Variants in ASIC2 observed in about 807,000 individuals in gnomAD.
The protein encoded by ASIC2 is acid sensing ion channel subunit 2.
ASIC2 carries 25 observed loss-of-function variants against 57.3 expected under a neutral mutation model. That is an observed-to-expected ratio of 0.44 (90% CI 0.32 to 0.61). The LOEUF (loss-of-function observed/expected upper bound fraction) is 0.61. ASIC2 is among the 20% of genes least tolerant of loss of function. The probability of loss-of-function intolerance (pLI) is 0.06; values close to 1 mark genes in which losing one functional copy is unlikely to be tolerated. For missense variants in ASIC2, 641 were observed against 738.1 expected (o/e 0.87, Z 1.52); for synonymous variants, 319 against 307.5 (o/e 1.04, Z -0.39).
At chr17:33,516,713 T>G (rs1239265533) in intron 1 of ASIC2, among the ~76,000 whole-genome samples, 2 of 152,228 alleles carry the variant, frequency 1.3e-5, no homozygotes, top group African/African-American at 4.8e-5. Flanking sequence ...TTATCTATTT[T>G]GTCTCCTTGG....
At chr17:34,058,008 C>A (rs1908832477) in intron 1 of ASIC2, among the ~76,000 whole-genome samples, 1 of 152,208 alleles carries the variant, frequency 6.6e-6, no homozygotes, top group Non-Finnish European at 1.5e-5. Flanking sequence ...GCGTGCACAA[C>A]TCTACCTACC....
At chr17:33,752,759 C>A (rs1277385618) in intron 1 of ASIC2, among the ~76,000 whole-genome samples, 1 of 152,182 alleles carries the variant, frequency 6.6e-6, no homozygotes, top group African/African-American at 2.4e-5. Context: ...ATGCCACATA[C>A]ACCTCTGACA....
At chr17:33,656,692 TC>T (rs1315454991) in intron 1 of ASIC2, among the ~76,000 whole-genome samples, 2 of 152,156 alleles carry the variant, frequency 1.3e-5, no homozygotes, top group African/African-American at 4.8e-5. Context: ...TGTCTTGTGT[TC>T]CCCCTCTGTG....
chr17:33,770,905 T>C (rs1212526071), intron 1 of ASIC2, among the ~76,000 whole-genome samples: 1 of 152,212 alleles, frequency 6.6e-6, no homozygotes, highest in Non-Finnish European at 1.5e-5. Flanking sequence ...TAGCACCTTC[T>C]GGCACAAAGG....
At chr17:33,916,999 T>A (rs1330300173) in intron 1 of ASIC2, among the ~76,000 whole-genome samples, 1 of 152,050 alleles carries the variant, frequency 6.6e-6, no homozygotes, top group Non-Finnish European at 1.5e-5. Flanking sequence ...CCTGAAGACA[T>A]CATCTCTCTA....
intron 2 of ASIC2, among the ~76,000 whole-genome samples, chr17:33,092,194 C>T (rs1250283987): frequency 6.6e-6 from 1 of 152,214 alleles, no homozygotes; most frequent in African/African-American, 2.4e-5. Context: ...GATCCTCTAC[C>T]CTGCTTTCCC....
chr17:34,026,054 G>A (rs1006964325), intron 1 of ASIC2, among the ~76,000 whole-genome samples: 2 of 152,162 alleles, frequency 1.3e-5, no homozygotes, highest in Non-Finnish European at 2.9e-5. Flanking sequence ...CTACGCAAAG[G>A]TTAACTTTTA....
chr17:34,113,758 G>T (rs981938720), intron 1 of ASIC2, among the ~76,000 whole-genome samples: 4 of 151,364 alleles, frequency 2.6e-5, no homozygotes, highest in Non-Finnish European at 5.9e-5. Flanking sequence ...ACCTACAGTC[G>T]CAGTTACTTG....
chr17:33,303,974 A>AG (rs1906067877), intron 1 of ASIC2, among the ~76,000 whole-genome samples: 1 of 152,212 alleles, frequency 6.6e-6, no homozygotes, highest in South Asian at 2.1e-4. Flanking sequence ...TCCATACCCT[A>AG]GGGTTCCCCA....
intron 1 of ASIC2, among the ~76,000 whole-genome samples, chr17:34,029,168 A>G (rs1490733552): frequency 1.3e-5 from 2 of 150,510 alleles, no homozygotes; most frequent in Non-Finnish European, 3.0e-5. Flanking sequence ...TTTTCATACA[A>G]CTCTTCCCCA....
At chr17:33,089,281 G>A (rs1312677584) in intron 2 of ASIC2, among the ~76,000 whole-genome samples, 1 of 152,172 alleles carries the variant, frequency 6.6e-6, no homozygotes, top group Admixed American at 6.5e-5. Flanking sequence ...GGAGGCAGGA[G>A]GATCAAGGTC....
intron 1 of ASIC2, among the ~76,000 whole-genome samples, chr17:33,572,791 T>C (rs1916493513): frequency 6.6e-6 from 1 of 152,192 alleles, no homozygotes; most frequent in African/African-American, 2.4e-5. Context: ...ATGGGCGCTG[T>C]CCATTGTACC....
intron 1 of ASIC2, among the ~76,000 whole-genome samples, chr17:34,063,878 A>G (rs1909063836): frequency 6.6e-6 from 1 of 152,212 alleles, no homozygotes. Context: ...ATCACAGACA[A>G]CACAAACAAA....
intron 1 of ASIC2, among the ~76,000 whole-genome samples, chr17:33,725,092 C>T (rs918054317): frequency 6.6e-6 from 1 of 152,180 alleles, no homozygotes; most frequent in African/African-American, 2.4e-5. Context: ...GCTCAGCACA[C>T]GTGGGGCATC....
intron 2 of ASIC2, among the ~76,000 whole-genome samples, chr17:33,096,345 G>A (rs912563922): frequency 1.3e-5 from 2 of 152,130 alleles, no homozygotes; most frequent in South Asian, 2.1e-4. Flanking sequence ...ATGTGCCACC[G>A]GCCTTGGACC....
chr17:33,609,051 TATC>T (rs1905309329), intron 1 of ASIC2, among the ~76,000 whole-genome samples: 1 of 152,162 alleles, frequency 6.6e-6, no homozygotes, highest in Admixed American at 6.5e-5. Flanking sequence ...TCTTCACAAA[TATC>T]ATCCTGCCAC....
intron 1 of ASIC2, among the ~76,000 whole-genome samples, chr17:33,765,327 C>T (rs1428850600): frequency 6.6e-6 from 1 of 152,108 alleles, no homozygotes; most frequent in Non-Finnish European, 1.5e-5. Flanking sequence ...CCAGGATGGT[C>T]TCGACCTCCT....
chr17:33,768,862 A>G (rs1259096388), intron 1 of ASIC2, among the ~76,000 whole-genome samples: 1 of 152,068 alleles, frequency 6.6e-6, no homozygotes, highest in East Asian at 1.9e-4. Flanking sequence ...GACTTTGGGG[A>G]AGAGACCTCC....
At chr17:33,239,941 C>T (rs1210695750) in intron 1 of ASIC2, among the ~76,000 whole-genome samples, 1 of 152,142 alleles carries the variant, frequency 6.6e-6, no homozygotes, top group African/African-American at 2.4e-5. Flanking sequence ...ATCCTTACTT[C>T]CCCCCACGCT....
Sources: gnomAD v4.1 joint callset for allele counts (sites outside exome capture counted in the v4.1 genomes callset) on GRCh38, gnomAD v4.1.1 for gene constraint, MANE v1.5 for transcripts, NCBI Gene and HGNC (gene_info 2026-07-23, HGNC 2026-07-21) for gene names.